The following SLC1A6 variants were observed in gnomAD, a reference collection of about 807,000 sequenced individuals.
The protein encoded by SLC1A6 is excitatory amino acid transporter 4.
In SLC1A6, 15 loss-of-function variants were observed where a neutral mutation model predicts 42.1. The observed-to-expected ratio is 0.36, with a 90% confidence interval of 0.24 to 0.55. The LOEUF is 0.55. Ranked by LOEUF, SLC1A6 falls within the 20% of genes least tolerant of loss-of-function variation. The pLI is 0.88. For synonymous variants in SLC1A6, 317 were observed against 319.7 expected, an observed-to-expected ratio of 0.99 and a Z score of 0.09; for missense variants, 542 against 772.5, an observed-to-expected ratio of 0.70 and a Z score of 3.54.
intron 1 of SLC1A6, among the ~76,000 whole-genome samples, chr19:14,986,660 A>G (rs908457161): frequency 4.6e-5 from 7 of 150,660 alleles, no homozygotes; most frequent in Non-Finnish European, 8.8e-5. Flanking sequence ...GTGCAATCAT[A>G]GCTCACTGTA....
intron 1 of SLC1A6, among the ~76,000 whole-genome samples, chr19:14,992,524 G>A (rs986645121): frequency 1.3e-5 from 2 of 152,140 alleles, no homozygotes; most frequent in Non-Finnish European, 2.9e-5. Context: ...GCAGACAGGT[G>A]GTGCGCACCT....
intron 4 of SLC1A6, among the ~76,000 whole-genome samples, chr19:14,965,493 A>G (rs1415575073): frequency 6.6e-6 from 1 of 152,198 alleles, no homozygotes; most frequent in East Asian, 1.9e-4. Context: ...GTGCCCATCA[A>G]CTGATGAGTG....
At chr19:14,964,572 T>C (rs201535596) in intron 4 of SLC1A6, among the ~76,000 whole-genome samples, 3 of 152,054 alleles carry the variant, frequency 2.0e-5, no homozygotes, top group East Asian at 1.9e-4. Flanking sequence ...GCCTTTCACA[T>C]AGAAAGAAAC....
At chr19:14,997,634 C>A (rs1419124109) in intron 1 of SLC1A6, among the ~76,000 whole-genome samples, 1 of 152,138 alleles carries the variant, frequency 6.6e-6, no homozygotes, top group African/African-American at 2.4e-5. Context: ...GTGCACCTAC[C>A]TGTGATAGGC....
At chr19:14,967,996 G>C (rs528885450) in intron 4 of SLC1A6, among the ~76,000 whole-genome samples, 1 of 152,262 alleles carries the variant, frequency 6.6e-6, no homozygotes, top group African/African-American at 2.4e-5. Flanking sequence ...TAAATGTTAA[G>C]TATCCACCCC....
intron 1 of SLC1A6, chr19:14,973,317 GGCCAA>G (rs1407980722): frequency 5.6e-6 from 1 of 177,206 alleles, no homozygotes; most frequent in African/African-American, 2.4e-5. Flanking sequence ...CACTTTCTAA[GGCCAA>G]GGCAAGAGGA....
chr19:15,002,839 G>A (rs536964303), intron 1 of SLC1A6, among the ~76,000 whole-genome samples: 1 of 152,240 alleles, frequency 6.6e-6, no homozygotes, highest in South Asian at 2.1e-4. Context: ...AAAAGAAACT[G>A]GAATTTGTCC....
chr19:14,987,249 A>G (rs2045797155), intron 1 of SLC1A6, among the ~76,000 whole-genome samples: 1 of 152,008 alleles, frequency 6.6e-6, no homozygotes, highest in Admixed American at 6.6e-5. Context: ...TGAGCGGATC[A>G]TGAGGTCAGG....
At chr19:14,964,234 C>T (rs2045548636) in intron 5 of SLC1A6, 85 bp downstream of exon 5, 2 of 1,136,512 alleles carry the variant, frequency 1.8e-6, no homozygotes, top group Non-Finnish European at 2.7e-6. Context: ...CTTCCTCCCG[C>T]CTCTTGCCCT....
intron 5 of SLC1A6, 133 bp from the exon 6 acceptor site, chr19:14,962,478 C>T (rs2045525563): frequency 1.5e-6 from 1 of 645,638 alleles, no homozygotes; most frequent in Non-Finnish European, 2.7e-6. Context: ...TATCGATTAT[C>T]ACTCATTATC....
At chr19:14,980,117 T>C (rs10426827), upstream of SLC1A6, 104,394 of 152,246 alleles carry the variant, frequency 0.69, 36,395 homozygotes, top group African/African-American at 0.8. Flanking sequence ...CCCCTTCTCC[T>C]TGCGGGTGCA....
intron 1 of SLC1A6, among the ~76,000 whole-genome samples, chr19:14,989,373 T>C (rs60527930): frequency 0.17 from 26,005 of 152,010 alleles, 3,084 homozygotes; most frequent in African/African-American, 0.34. Context: ...GCAATTCTCC[T>C]GCCTCGGCCT....
At chr19:14,957,257 A>C (rs1599984829) in intron 6 of SLC1A6, among the ~76,000 whole-genome samples, 1 of 152,256 alleles carries the variant, frequency 6.6e-6, no homozygotes, top group African/African-American at 2.4e-5. Context: ...TTCATTCCAC[A>C]GATATTGACT....
At chr19:14,964,415 G>A in intron 4 of SLC1A6, 54 bp from the exon 5 acceptor site, 1 of 1,431,462 alleles carries the variant, frequency 7.0e-7, no homozygotes, top group Non-Finnish European at 9.9e-7. Flanking sequence ...AGGGCATCTA[G>A]GGTGATAACA....
At position 14,950,232 on chromosome 19, in the gene SLC1A6, GCCC is replaced by G. The variant is rs1461736586; in HGVS notation, c.1655_1657del (p.Gly552del). 3.1e-6 allele frequency: 5 copies of G among 1,591,606 alleles called. No individual in the cohort carries two copies. The East Asian group carries it at 1.1e-4, about 36-fold the overall frequency. ...CTCGTTGCCTCCCCGTCCCCGGGAT[GCCC>G]CCTTCTCCTGTGCCATGAGGGACTT... On this transcript the variant is annotated inframe_deletion, in exon 10 of 10. Coordinates refer to ENST00000594383, the MANE Select transcript of SLC1A6 (RefSeq NM_005071.3).
upstream of SLC1A6, among the ~76,000 whole-genome samples, chr19:14,983,754 T>C (rs1266520948): frequency 1.4e-5 from 2 of 146,448 alleles, no homozygotes; most frequent in African/African-American, 2.5e-5. Flanking sequence ...GCTGTAAGGC[T>C]GTAAGGCTGT....
intron 4 of SLC1A6, among the ~76,000 whole-genome samples, chr19:14,967,722 C>A (rs2045590020): frequency 6.6e-6 from 1 of 152,096 alleles, no homozygotes; most frequent in South Asian, 2.1e-4. Context: ...AGGAGTTAAA[C>A]AAACACTAGT....
chr19:14,971,931 G>C, intron 2 of SLC1A6, 57 bp from the exon 3 acceptor site: 1 of 1,589,250 alleles, frequency 6.3e-7, no homozygotes, highest in Non-Finnish European at 8.6e-7. Flanking sequence ...GCCCCAGGCA[G>C]GGTCCATCCA....
intron 1 of SLC1A6, among the ~76,000 whole-genome samples, chr19:14,978,707 T>A (rs1191217766): frequency 2.0e-5 from 3 of 149,908 alleles, no homozygotes; most frequent in Admixed American, 6.7e-5. Flanking sequence ...CACATTCATG[T>A]ACACCCTCAG....
Sources: allele counts gnomAD v4.1 joint callset (sites outside exome capture counted in the v4.1 genomes callset), GRCh38; gene constraint gnomAD v4.1.1; transcripts MANE v1.5; gene names NCBI Gene and HGNC (gene_info 2026-07-23, HGNC 2026-07-21).